The following PLEKHH2 variants were observed in gnomAD, a reference collection of about 807,000 sequenced individuals.
The protein encoded by PLEKHH2 is pleckstrin homology, MyTH4 and FERM domain containing H2.
Under a neutral mutation model 187.9 loss-of-function variants are expected in PLEKHH2, and 129 were observed. The ratio of observed to expected loss-of-function variants is 0.69; its 90% confidence interval spans 0.59 to 0.79. The LOEUF (loss-of-function observed/expected upper bound fraction) is 0.79, where lower values mean the gene tolerates loss of function less well. Among genes scored for constraint, PLEKHH2 ranks in the 30% least tolerant of loss-of-function variants. The pLI is 0.00. For missense variants in PLEKHH2, 2,076 were observed against 1,751.2 expected (o/e 1.19, Z -3.31); for synonymous variants, 686 against 605.6 (o/e 1.13, Z -1.95).
intron 2 of PLEKHH2, among the ~76,000 whole-genome samples, chr2:43,654,377 A>G (rs1425250366): frequency 6.6e-6 from 1 of 151,668 alleles, no homozygotes; most frequent in East Asian, 2.0e-4. Flanking sequence ...TTGTATTTTT[A>G]GTAGAGATGA....
At chr2:43,730,073 G>T (rs1670964646) in intron 18 of PLEKHH2, among the ~76,000 whole-genome samples, 1 of 152,118 alleles carries the variant, frequency 6.6e-6, no homozygotes, top group South Asian at 2.1e-4. Flanking sequence ...GCCCTCTGCA[G>T]CTCAGCATCT....
intron 2 of PLEKHH2, among the ~76,000 whole-genome samples, chr2:43,654,040 A>G (rs775096553): frequency 1.3e-5 from 2 of 152,214 alleles, no homozygotes; most frequent in African/African-American, 2.4e-5. Flanking sequence ...CTCATTTTTC[A>G]TTAAGTGAGT....
Position 43,699,831 on chromosome 2 carries a change from A to G in PLEKHH2, c.873A>G (p.Glu291=). The change falls in exon 8 of 30, where the codon GAA becomes GAG. Residue 291 remains glutamate, a synonymous_variant. Transcript: ENST00000282406. ...TGAGTGACTGGAGCTCTGATGAGGA[A>G]GACGGGAGCAAAGGAAGATCCAAGT... ...APVSDWSSDE[E]DGSKGRSKSR... is the part of the protein sequence containing the mutation. 6.2e-7 allele frequency: 1 copy of G among 1,611,922 alleles called. No individual in the cohort carries two copies. Among genetic ancestry groups the G allele is most frequent in the Non-Finnish European group, 8.5e-7 (1 of 1,178,010 alleles).
At chr2:43,666,821 G>T (rs1667242081) in intron 2 of PLEKHH2, among the ~76,000 whole-genome samples, 1 of 152,002 alleles carries the variant, frequency 6.6e-6, no homozygotes, top group Non-Finnish European at 1.5e-5. Flanking sequence ...TTCTTGAATT[G>T]TAAAAATTCC....
intron 16 of PLEKHH2, among the ~76,000 whole-genome samples, chr2:43,722,371 A>G (rs1164211717): frequency 2.0e-5 from 3 of 152,160 alleles, no homozygotes; most frequent in Admixed American, 2.0e-4. Context: ...AGTTAGGGAA[A>G]CTGCCAATGA....
chr2:43,703,566 A>G (rs1454167260), intron 8 of PLEKHH2, among the ~76,000 whole-genome samples: 1 of 152,174 alleles, frequency 6.6e-6, no homozygotes, highest in African/African-American at 2.4e-5. Context: ...TTTATGTGTA[A>G]TCAATGATTG....
chr2:43,672,257 CT>C (rs1446588885), intron 2 of PLEKHH2, among the ~76,000 whole-genome samples: 2 of 151,938 alleles, frequency 1.3e-5, no homozygotes, highest in East Asian at 3.8e-4. Context: ...TAATTTGTGT[CT>C]TTTTTCTTTT....
Position 43,692,590 on chromosome 2 carries a change from G to T in PLEKHH2, c.263G>T (p.Cys88Phe), listed in dbSNP as rs767891243. 1.9e-6 allele frequency: 3 copies of T among 1,609,570 alleles called. No homozygotes were observed. The highest frequency in any genetic ancestry group is 2.5e-6 in the Non-Finnish European group (3 of 1,176,514). ...TCAGAGACAAGATTATATAATAAGT[G>T]TCAAGATCTGGAGTCGCTAATACAG... Reference protein sequence around the residue: ...SESETRLYNKCQDLESLIQEK... With the variant: ...SESETRLYNKFQDLESLIQEK... The change falls in exon 4 of 30, where the codon TGT becomes TTT. Residue 88 changes from cysteine to phenylalanine, a missense_variant. Physicochemically the swap from Cys to Phe is radical, Grantham distance 205. Transcript: ENST00000282406.
intron 4 of PLEKHH2, among the ~76,000 whole-genome samples, chr2:43,693,190 G>T (rs1388337877): frequency 2.0e-5 from 3 of 152,062 alleles, no homozygotes; most frequent in East Asian, 1.9e-4. Flanking sequence ...CTCCCAACCT[G>T]CTGGGATTAC....
At chr2:43,646,865 T>G (rs1413513961) in intron 2 of PLEKHH2, among the ~76,000 whole-genome samples, 1 of 151,638 alleles carries the variant, frequency 6.6e-6, no homozygotes, top group Non-Finnish European at 1.5e-5. Flanking sequence ...CATAAATTCT[T>G]TGGCAGATCT....
chr2:43,686,972 CTA>C (rs1486220994), intron 3 of PLEKHH2, among the ~76,000 whole-genome samples: 4 of 142,252 alleles, frequency 2.8e-5, no homozygotes, highest in Non-Finnish European at 1.6e-5. Flanking sequence ...CCCCTTCTCT[CTA>C]TATATATTTA....
At chr2:43,730,722 G>T (rs186741193) in intron 18 of PLEKHH2, among the ~76,000 whole-genome samples, 44 of 152,142 alleles carry the variant, frequency 2.9e-4, no homozygotes, top group Middle Eastern at 3.4e-3. Context: ...TATGGCTAAG[G>T]TTCCCCCACT....
In PLEKHH2 at chr2:43,741,060, C is replaced by T. The variant is rs760582825; in HGVS notation, c.3221+17C>T. 1 of 1,586,240 alleles carries T rather than the reference C, an allele frequency of 6.3e-7. No individual in the cohort carries two copies. The highest frequency in any genetic ancestry group is 2.2e-5 in the East Asian group (1 of 44,664). Reference sequence around the variant, plus strand: ...AGATTCCAGGTGTGCAGAATACTAGCCAGCTGAACTGTTTATGTGGCCTCT... The same window carrying T: ...AGATTCCAGGTGTGCAGAATACTAGTCAGCTGAACTGTTTATGTGGCCTCT... On this transcript the variant is annotated intron_variant, in intron 21 of 29. Transcript: ENST00000282406.
chr2:43,716,246 A>G (rs554209586), intron 15 of PLEKHH2, among the ~76,000 whole-genome samples: 6 of 152,278 alleles, frequency 3.9e-5, no homozygotes, highest in Non-Finnish European at 7.4e-5. Flanking sequence ...GACAAAGTCC[A>G]GAAGAAGTGG....
Position 43,704,043 on chromosome 2 carries a change from G to T in PLEKHH2, c.1713G>T (p.Glu571Asp). ...GIRMSEAFNM[E>D]SVNKNSAATL... ...GAATGTCTGAGGCCTTCAATATGGA[G>T]AGTGTTAATAAAAGTAAGTGCTTTT... The change falls in exon 9 of 30, where the codon GAG becomes GAT. Residue 571 changes from glutamate to aspartate, a missense_variant. Glu to Asp is a conservative substitution (Grantham distance 45). Coordinates refer to ENST00000282406, the MANE Select transcript of PLEKHH2 (RefSeq NM_172069.4). 1 of 1,597,102 alleles carries T rather than the reference G, an allele frequency of 6.3e-7. No homozygotes were observed. The highest frequency in any genetic ancestry group is 2.2e-5 in the East Asian group (1 of 44,644).
In PLEKHH2 at chr2:43,654,704, A is replaced by ACC. The variant is rs34057211; in HGVS notation, c.123+9919_123+9920dup. On this transcript the variant is annotated intron_variant, in intron 2 of 29. Coordinates refer to ENST00000282406, the MANE Select transcript of PLEKHH2 (RefSeq NM_172069.4). ...ACCAGCTTGGGCAACATAGTAAGAC[A>ACC]CCCCCCCCCCCCGCATCTCTACCAA... 9.8e-5 allele frequency among the ~76,000 whole-genome samples: 11 copies of ACC among 112,284 alleles called. 1 individual carries two copies. The highest frequency in any genetic ancestry group is 4.3e-4 in the East Asian group (1 of 2,330). 73.7% of individuals were successfully genotyped at this position (112,284 alleles called of 152,430 possible). A position where few individuals can be genotyped will look rare whatever the true frequency, so the allele number is the denominator to read the frequency against.
intron 1 of PLEKHH2, among the ~76,000 whole-genome samples, chr2:43,639,042 T>C (rs1232719529): frequency 1.3e-5 from 2 of 152,242 alleles, no homozygotes; most frequent in African/African-American, 2.4e-5. Flanking sequence ...TAATTTATTA[T>C]GTCATCATAG....
intron 9 of PLEKHH2, among the ~76,000 whole-genome samples, chr2:43,704,417 T>G (rs914325484): frequency 6.6e-6 from 1 of 151,944 alleles, no homozygotes; most frequent in African/African-American, 2.4e-5. Context: ...ATCCCAGCAC[T>G]TTGGGAGGCT....
At chr2:43,637,855 C>T (rs1703188322) in intron 1 of PLEKHH2, among the ~76,000 whole-genome samples, 1 of 152,206 alleles carries the variant, frequency 6.6e-6, no homozygotes, top group African/African-American at 2.4e-5. Context: ...GCATTTTGTA[C>T]ACCTCGAGTT....
Sources: gnomAD v4.1 joint callset for allele counts (sites outside exome capture counted in the v4.1 genomes callset) on GRCh38, gnomAD v4.1.1 for gene constraint, MANE v1.5 for transcripts, NCBI Gene and HGNC (gene_info 2026-07-23, HGNC 2026-07-21) for gene names.